The following IFT74 variants were observed in gnomAD, a reference collection of about 807,000 sequenced individuals.
The protein encoded by IFT74 is intraflagellar transport 74.
Under a neutral mutation model 96.7 loss-of-function variants are expected in IFT74, and 92 were observed. The observed-to-expected ratio is 0.95, with a 90% CI of 0.80 to 1.13. IFT74 has a LOEUF of 1.13. IFT74 is among the 50% of genes most tolerant of loss of function. IFT74 has a pLI of 0.00. For missense variants in IFT74, 811 were observed against 698.2 expected (o/e 1.16, Z -1.82); for synonymous variants, 223 against 213.2 (o/e 1.05, Z -0.40).
intron 8 of IFT74, chr9:26,993,292 A>G (rs1563956864): frequency 6.6e-6 from 1 of 152,160 alleles, no homozygotes; most frequent in Admixed American, 6.5e-5. Flanking sequence ...ATAATTAGGA[A>G]ATAATTTAGC....
intron 8 of IFT74, among the ~76,000 whole-genome samples, chr9:27,002,186 C>T (rs1173113871): frequency 6.6e-6 from 1 of 152,154 alleles, no homozygotes; most frequent in Non-Finnish European, 1.5e-5. Context: ...GGCTGGAGTG[C>T]AGTGATGCCA....
rs146374244 is a variant in IFT74 at position 27,022,803 on chromosome 9, G to A, written c.974+4116G>A. ...GACTAAAGGCACGTGCCACCACACCGGCTACTTTTTTGTATTTTTAGTAGA... is the reference window on the plus strand; with the variant it reads ...GACTAAAGGCACGTGCCACCACACCAGCTACTTTTTTGTATTTTTAGTAGA... On this transcript the variant is annotated intron_variant, in intron 12 of 19. Transcript: ENST00000380062. Among the ~76,000 whole-genome samples the A allele has an allele frequency of 8.4e-3, 1,276 of 151,878 alleles. 15 individuals carry two copies. The highest frequency in any genetic ancestry group is 0.028 in the African/African-American group (1,180 of 41,446).
chr9:27,024,488 A>G (rs1829761387), intron 12 of IFT74, among the ~76,000 whole-genome samples: 2 of 152,192 alleles, frequency 1.3e-5, no homozygotes, highest in Middle Eastern at 3.2e-3. Flanking sequence ...TCAAGGGATC[A>G]CCTCATGGGA....
At position 26,978,135 on chromosome 9, in the gene IFT74, C is replaced by G; in HGVS notation, c.128C>G (p.Pro43Arg). ...GNIRVATAMP[P>R]GTARPGSRGC... ...ATCTTGTTTGTCATTTAGATGCCAC[C>G]TGGGACAGCAAGACCAGGTTCTCGT... The change falls in exon 3 of 20, where the codon CCT becomes CGT. Residue 43 changes from proline (P) to arginine (R), a missense_variant. Coordinates refer to ENST00000380062, the MANE Select transcript of IFT74 (RefSeq NM_025103.4). 1.3e-6 allele frequency: 2 copies of G among 1,593,348 alleles called. No homozygotes were observed. Among genetic ancestry groups the G allele is most frequent in the Non-Finnish European group, 1.7e-6 (2 of 1,175,092 alleles).
chr9:27,063,429 ACT>A lies in IFT74; in HGVS notation c.*698_*699del, dbSNP rs1172247882. 6.6e-6 allele frequency among the ~76,000 whole-genome samples: 1 copy of A among 152,024 alleles called. No homozygotes were observed. Among genetic ancestry groups the A allele is most frequent in the Non-Finnish European group, 1.5e-5 (1 of 67,950 alleles). Reference sequence around the variant, plus strand: ...CATTGCCACCCTGCAGTATGCATTTACTCTCTTGTACTATTAGGAGAACTTAA... The same window carrying A: ...CATTGCCACCCTGCAGTATGCATTTACTCTTGTACTATTAGGAGAACTTAA... On this transcript the variant is annotated 3_prime_UTR_variant, in exon 20 of 20. Coordinates refer to ENST00000380062, the MANE Select transcript of IFT74 (RefSeq NM_025103.4).
At chr9:27,060,864 A>G in intron 19 of IFT74, 1 of 244,694 alleles carries the variant, frequency 4.1e-6, no homozygotes, top group Non-Finnish European at 8.0e-6. Flanking sequence ...TGGGAGGCTG[A>G]GGCAGGAGAA....
chr9:26,961,717 C>A (rs2131478838), intron 1 of IFT74, among the ~76,000 whole-genome samples: 1 of 152,140 alleles, frequency 6.6e-6, no homozygotes, highest in East Asian at 1.9e-4. Context: ...AATAGAGGGG[C>A]TTGCATTTTG....
At position 26,969,033 on chromosome 9, in the gene IFT74, G is replaced by T. The variant is rs550982633; in HGVS notation, c.120+6946G>T. ...TATTTTGTTTTTCTACTTTTTTAAT[G>T]TAGGCACTTACAGGTATAAACTTTC... On this transcript the variant is annotated intron_variant, in intron 2 of 19. Coordinates refer to ENST00000380062, the MANE Select transcript of IFT74 (RefSeq NM_025103.4). Among the ~76,000 whole-genome samples the T allele has an allele frequency of 2.0e-5, 3 of 152,004 alleles. No individual in the cohort carries two copies. The East Asian group carries it at 5.8e-4, about 29-fold the overall frequency.
intron 7 of IFT74, among the ~76,000 whole-genome samples, 161 bp downstream of exon 7, chr9:26,988,889 T>C (rs1827751436): frequency 6.6e-6 from 1 of 152,214 alleles, no homozygotes; most frequent in Non-Finnish European, 1.5e-5. Context: ...CTCCCTTAGT[T>C]GCTCTTTTAA....
Position 27,062,794 on chromosome 9 carries a change from A to T in IFT74, c.*58A>T. ...TCCTCTTGCTGCTAAACTTGGTACA[A>T]GTTGACTACCAAAAAAAAAAAAAGC... On this transcript the variant is annotated 3_prime_UTR_variant, in exon 20 of 20. Coordinates refer to ENST00000380062, the MANE Select transcript of IFT74 (RefSeq NM_025103.4). The T allele has an allele frequency of 1.1e-6, 1 of 884,544 alleles. No homozygotes were observed. Among genetic ancestry groups the T allele is most frequent in the Non-Finnish European group, 1.8e-6 (1 of 571,068 alleles). The allele number at this position is 884,544 out of a possible 1,614,324, so 54.8% of individuals were successfully genotyped here. A position where few individuals can be genotyped will look rare whatever the true frequency, so the allele number is the denominator to read the frequency against.
Position 26,982,782 on chromosome 9 carries a change from G to A in IFT74, c.306-1475G>A, listed in dbSNP as rs1349531801. Among the ~76,000 whole-genome samples, 3 of 152,004 alleles carry A rather than the reference G, an allele frequency of 2.0e-5. No individual in the cohort carries two copies. In the East Asian group the frequency reaches 5.8e-4, roughly 29 times the overall value. On this transcript the variant is annotated intron_variant, in intron 4 of 19. Transcript: ENST00000380062. ...ATTTTTGTATTTTTAGTAGAGATGG[G>A]GGTTTCACCATTTTGGCCAGGCTAG...
intron 18 of IFT74, among the ~76,000 whole-genome samples, chr9:27,058,119 C>CA (rs2131708494): frequency 6.6e-6 from 1 of 150,446 alleles, no homozygotes; most frequent in East Asian, 2.0e-4. Flanking sequence ...AACAGAGTCT[C>CA]ACTGTGTTGC....
intron 19 of IFT74, 30 bp downstream of exon 19, chr9:27,060,681 G>C (rs1186156719): frequency 6.5e-7 from 1 of 1,538,112 alleles, no homozygotes; most frequent in Non-Finnish European, 8.9e-7. Flanking sequence ...AAATGGGGCC[G>C]GGTGCGGTGG....
rs1415853695 is a variant in IFT74 at position 26,956,434 on chromosome 9, C to T, written c.-102C>T. On this transcript the variant is annotated 5_prime_UTR_variant, in exon 1 of 20. Coordinates refer to ENST00000380062, the MANE Select transcript of IFT74 (RefSeq NM_025103.4). ...GGCAGTTAGTGGGTAGGCCTGAGAG[C>T]CGAGGAAAACTGAGCGTGGGCCTCA... 1.3e-5 allele frequency: 2 copies of T among 152,344 alleles called. No homozygotes were observed. Among genetic ancestry groups the T allele is most frequent in the Admixed American group, 1.3e-4 (2 of 15,304 alleles). 9.4% of individuals were successfully genotyped at this position (152,344 alleles called of 1,614,324 possible).
intron 18 of IFT74, among the ~76,000 whole-genome samples, chr9:27,058,913 G>T (rs1479621308): frequency 6.6e-6 from 1 of 152,114 alleles, no homozygotes; most frequent in Non-Finnish European, 1.5e-5. Context: ...AATTTTCTTA[G>T]GTTGTTTAGA....
At chr9:26,973,273 A>G (rs751550381) in intron 2 of IFT74, among the ~76,000 whole-genome samples, 1 of 152,192 alleles carries the variant, frequency 6.6e-6, no homozygotes, top group Non-Finnish European at 1.5e-5. Context: ...GTCTTGTACT[A>G]ATCAGTATGA....
chr9:26,992,256 G>T lies in IFT74; in HGVS notation c.587+2061G>T, dbSNP rs550927119. Among the ~76,000 whole-genome samples, 648 of 151,882 alleles carry T rather than the reference G, an allele frequency of 4.3e-3. 7 individuals carry two copies. The highest frequency in any genetic ancestry group is 0.01 in the Middle Eastern group (3 of 294). On this transcript the variant is annotated intron_variant, in intron 8 of 19. Transcript: ENST00000380062. ...TGTCATAGATTTTTACATCTATTTG[G>T]TTTTTTTTATTTAGGAAAATCTTCA...
Position 27,060,775 on chromosome 9 carries a change from G to A in IFT74, c.1684+124G>A, listed in dbSNP as rs1427766000. On this transcript the variant is annotated intron_variant, in intron 19 of 19. Transcript: ENST00000380062. Reference sequence around the variant, plus strand: ...AGATTGAGACCACCCTGGCTAACACGGTGAAACCCCATCTCTACTAAAAAA... The same window carrying A: ...AGATTGAGACCACCCTGGCTAACACAGTGAAACCCCATCTCTACTAAAAAA... 1.1e-5 allele frequency: 6 copies of A among 540,632 alleles called. No homozygotes were observed. In the Admixed American group the frequency reaches 1.2e-4, roughly 11 times the overall value. The allele number at this position is 540,632 out of a possible 1,614,324, so 33.5% of individuals were successfully genotyped here. A position where few individuals can be genotyped will look rare whatever the true frequency, so the allele number is the denominator to read the frequency against.
intron 8 of IFT74, chr9:26,996,190 T>G: frequency 1.5e-6 from 1 of 657,564 alleles, no homozygotes; most frequent in Non-Finnish European, 2.3e-6. Flanking sequence ...TTGTAAATCT[T>G]TAGTTGAGAT....
Sources: allele counts gnomAD v4.1 joint callset (sites outside exome capture counted in the v4.1 genomes callset), GRCh38; gene constraint gnomAD v4.1.1; transcripts MANE v1.5; gene names NCBI Gene and HGNC (gene_info 2026-07-23, HGNC 2026-07-21).